PTPRN2: variants seen among roughly 807,000 people sequenced by gnomAD.
PTPRN2 encodes the protein receptor-type tyrosine-protein phosphatase N2.
PTPRN2 carries 74 observed loss-of-function variants against 118.8 expected under a neutral mutation model. That is an observed-to-expected ratio of 0.62 (90% CI 0.52 to 0.76). The LOEUF (loss-of-function observed/expected upper bound fraction) is 0.76, where lower values mean the gene tolerates loss of function less well. Ranked by LOEUF, PTPRN2 falls within the 30% of genes least tolerant of loss-of-function variation. The pLI is 0.00. For synonymous variants in PTPRN2, 641 were observed against 608.0 expected, an observed-to-expected ratio of 1.05 and a Z score of -0.80; for missense variants, 1,481 against 1,394.4, an observed-to-expected ratio of 1.06 and a Z score of -0.99.
At chr7:157,744,099 G>A (rs760102769) in intron 12 of PTPRN2, among the ~76,000 whole-genome samples, 5 of 152,196 alleles carry the variant, frequency 3.3e-5, no homozygotes. Context: ...GTTTTTATGG[G>A]AAGTCCTAAT....
At chr7:157,730,195 C>CG (rs1554425986) in intron 12 of PTPRN2, among the ~76,000 whole-genome samples, 2 of 152,078 alleles carry the variant, frequency 1.3e-5, no homozygotes, top group Middle Eastern at 3.2e-3. Context: ...CCTGCCCCCC[C>CG]CCGGGCACTC....
At chr7:158,119,536 A>G (rs1233642431) in intron 9 of PTPRN2, among the ~76,000 whole-genome samples, 16 of 152,150 alleles carry the variant, frequency 1.1e-4, no homozygotes, top group Admixed American at 8.5e-4. Flanking sequence ...TGGTATCTAC[A>G]GTAGTCCCCC....
intron 14 of PTPRN2, among the ~76,000 whole-genome samples, chr7:157,631,554 C>T (rs1276792158): frequency 6.6e-6 from 1 of 150,826 alleles, no homozygotes; most frequent in African/African-American, 2.4e-5. Context: ...AAAAATTAGC[C>T]AGGCGTGGTG....
chr7:157,690,087 C>G lies in PTPRN2; in HGVS notation c.1789-7150G>C, dbSNP rs925644551. 6.6e-6 allele frequency among the ~76,000 whole-genome samples: 1 copy of G among 152,212 alleles called. No individual in the cohort carries two copies. Among genetic ancestry groups the G allele is most frequent in the Non-Finnish European group, 1.5e-5 (1 of 68,032 alleles). On this transcript the variant is annotated intron_variant, in intron 12 of 22. Transcript: ENST00000389418. The surrounding 1 kb of genome is among the most constrained non-coding windows in gnomAD (Gnocchi z 7.1). ...GAACTGCAGGGAGTGGGGAGCAACG[C>G]GAAAGGCCGAGAGAAGAGCGCTGGG...
rs569494550 is a variant in PTPRN2, at chr7:158,170,296, G to C, written c.550-3005C>G. 3.2e-4 allele frequency among the ~76,000 whole-genome samples: 49 copies of C among 152,282 alleles called. No individual in the cohort carries two copies. In the South Asian group the frequency reaches 8.5e-3, roughly 26 times the overall value. ...GAACACCTGGTCAGCCACCGTGCTGGGGGGTGGGGATCTGCGTCCAAATCC... is the reference window on the plus strand; with the variant it reads ...GAACACCTGGTCAGCCACCGTGCTGCGGGGTGGGGATCTGCGTCCAAATCC... On this transcript the variant is annotated intron_variant, in intron 5 of 22. Transcript: ENST00000389418.
chr7:158,338,293 G>C (rs1360086423), intron 2 of PTPRN2, among the ~76,000 whole-genome samples: 1 of 68,162 alleles, frequency 1.5e-5, no homozygotes, highest in Non-Finnish European at 2.8e-5. Flanking sequence ...ACCTGCTGAC[G>C]TCACTCACAC....
intron 1 of PTPRN2, among the ~76,000 whole-genome samples, chr7:158,508,859 G>A (rs907297576): frequency 8.7e-6 from 1 of 115,306 alleles, no homozygotes; most frequent in Non-Finnish European, 1.8e-5. Flanking sequence ...CGGAGCAGGT[G>A]CGGAAGTGGC....
At chr7:158,251,962 C>T (rs767735248) in intron 3 of PTPRN2, among the ~76,000 whole-genome samples, 7 of 152,154 alleles carry the variant, frequency 4.6e-5, no homozygotes, top group South Asian at 4.1e-4. Context: ...GTCAGGGAAA[C>T]GAGAGCCACC....
At chr7:158,261,813 T>C (rs531606627) in intron 3 of PTPRN2, among the ~76,000 whole-genome samples, 1 of 152,280 alleles carries the variant, frequency 6.6e-6, no homozygotes, top group South Asian at 2.1e-4. Flanking sequence ...CTACGGACGA[T>C]TTTAGGAAAC....
rs114816124 is a variant in PTPRN2, at chr7:158,310,514, T to C, written c.277+6305A>G. The stretch of plus-strand genomic sequence containing the variant: ...GAAGGTAGAGCTTGTGAATGAGGAA[T>C]TGGAAACAGTGCACCTCAGTGGCAG... On this transcript the variant is annotated intron_variant, in intron 3 of 22. Coordinates refer to ENST00000389418, the MANE Select transcript of PTPRN2 (RefSeq NM_002847.5). Among the ~76,000 whole-genome samples the C allele has an allele frequency of 7.7e-3, 1,165 of 152,274 alleles. 22 individuals carry two copies. The highest frequency in any genetic ancestry group is 0.026 in the African/African-American group (1,081 of 41,558).
intron 11 of PTPRN2, among the ~76,000 whole-genome samples, chr7:157,992,163 A>C (rs1039323591): frequency 6.6e-6 from 1 of 152,266 alleles, no homozygotes; most frequent in Admixed American, 6.5e-5. Flanking sequence ...AATACATGGA[A>C]AATTGTGTAT....
At chr7:157,806,822 C>G (rs1805665679) in intron 12 of PTPRN2, among the ~76,000 whole-genome samples, 1 of 152,184 alleles carries the variant, frequency 6.6e-6, no homozygotes, top group South Asian at 2.1e-4. Context: ...TCTGCATGAA[C>G]AAAGTGAGTA....
intron 1 of PTPRN2, among the ~76,000 whole-genome samples, chr7:158,581,826 C>CTTCT (rs1441561169): frequency 6.6e-6 from 1 of 152,224 alleles, no homozygotes; most frequent in African/African-American, 2.4e-5. Flanking sequence ...ACACAGAAGC[C>CTTCT]GTTCAAGACA....
chr7:158,201,187 G>A (rs140682923), intron 4 of PTPRN2, among the ~76,000 whole-genome samples: 4 of 151,918 alleles, frequency 2.6e-5, no homozygotes, highest in African/African-American at 7.2e-5. Context: ...GTAGCCAGGC[G>A]CCACCACACC....
intron 5 of PTPRN2, among the ~76,000 whole-genome samples, chr7:158,186,126 C>T (rs1825110686): frequency 6.6e-6 from 1 of 152,210 alleles, no homozygotes; most frequent in African/African-American, 2.4e-5. Flanking sequence ...AAATCTGTTC[C>T]ATGCACCTCA....
chr7:158,169,375 T>G (rs13231411), intron 5 of PTPRN2, among the ~76,000 whole-genome samples: 94,002 of 151,312 alleles, frequency 0.62, 30,288 homozygotes, highest in East Asian at 0.78. Context: ...CCCAAGTAGC[T>G]GGGACCACAG....
Position 157,690,973 on chromosome 7 carries a change from C to T in PTPRN2, c.1789-8036G>A, listed in dbSNP as rs1158667952. Among the ~76,000 whole-genome samples, 9 of 145,692 alleles carry T rather than the reference C, an allele frequency of 6.2e-5. No homozygotes were observed. Among genetic ancestry groups the T allele is most frequent in the Non-Finnish European group, 9.1e-5 (6 of 65,672 alleles). Reference sequence around the variant, plus strand: ...CGGCCGCGCGCGTAGCACCAACCAGCGCGGCCGCCGCGCCCCGCCTTATAT... The same window carrying T: ...CGGCCGCGCGCGTAGCACCAACCAGTGCGGCCGCCGCGCCCCGCCTTATAT... On this transcript the variant is annotated intron_variant, in intron 12 of 22. Coordinates refer to ENST00000389418, the MANE Select transcript of PTPRN2 (RefSeq NM_002847.5). This position sits in a 1 kb window ranked among gnomAD's most constrained non-coding sequence, Gnocchi z 7.1.
chr7:158,467,651 T>C (rs1819490238), intron 2 of PTPRN2, among the ~76,000 whole-genome samples: 1 of 152,182 alleles, frequency 6.6e-6, no homozygotes, highest in Non-Finnish European at 1.5e-5. Context: ...CCCATTTCAT[T>C]CTTTTGAGTG....
intron 22 of PTPRN2, among the ~76,000 whole-genome samples, chr7:157,545,161 A>AG (rs1054667241): frequency 3.1e-5 from 4 of 127,298 alleles, no homozygotes; most frequent in Non-Finnish European, 6.5e-5. Flanking sequence ...GGGTGTGTGC[A>AG]GTGTGTGGCT....
Sources: allele counts gnomAD v4.1 joint callset (sites outside exome capture counted in the v4.1 genomes callset), GRCh38; gene constraint gnomAD v4.1.1; non-coding constraint Gnocchi (gnomAD v3.1); transcripts MANE v1.5; gene names NCBI Gene and HGNC (gene_info 2026-07-23, HGNC 2026-07-21).